Variants in KNL1 observed in about 807,000 individuals in gnomAD.
KNL1 encodes the protein outer kinetochore KNL1 complex subunit KNL1.
A neutral mutation model predicts 201.3 loss-of-function variants in KNL1; 66 were observed. That is an observed-to-expected ratio of 0.33 (90% confidence interval 0.27 to 0.40). The LOEUF (loss-of-function observed/expected upper bound fraction) is 0.40. Ranked by LOEUF, KNL1 falls within the 10% of genes least tolerant of loss-of-function variation. The pLI is 1.00. For missense variants in KNL1, 2,815 were observed against 2,690.5 expected (o/e 1.05, Z -1.02); for synonymous variants, 895 against 899.2 (o/e 1.00, Z 0.08).
chr15:40,598,131 A>G (rs1005797776), intron 1 of KNL1, among the ~76,000 whole-genome samples: 4 of 151,206 alleles, frequency 2.6e-5, no homozygotes, highest in African/African-American at 4.9e-5. Flanking sequence ...CTGAGATGGC[A>G]CCATTGCTCT....
intron 25 of KNL1, among the ~76,000 whole-genome samples, chr15:40,660,498 C>T (rs1428390860): frequency 6.6e-6 from 1 of 151,598 alleles, no homozygotes; most frequent in African/African-American, 2.4e-5. Flanking sequence ...AACCCCGCCT[C>T]TACTAAAAAT....
rs1018158469 is a variant in KNL1 at position 40,646,383 on chromosome 15, G to C, written c.6007-604G>C. Among the ~76,000 whole-genome samples the C allele has an allele frequency of 3.3e-5, 5 of 151,604 alleles. No individual in the cohort carries two copies. In the East Asian group the frequency reaches 9.7e-4, roughly 29 times the overall value. The stretch of plus-strand genomic sequence containing the variant: ...ATAGAAATGCTAAAATAAAGTACCA[G>C]AATTAGTTTTATGTCAATATGCTTT... On this transcript the variant is annotated intron_variant, in intron 16 of 25. Transcript: ENST00000399668.
intron 17 of KNL1, 62 bp from the exon 18 acceptor site, chr15:40,650,239 A>C: frequency 9.7e-7 from 1 of 1,033,526 alleles, no homozygotes; most frequent in South Asian, 1.5e-5. Context: ...TTTTTTCCTT[A>C]CTTTGTTTTC....
chr15:40,632,216 C>T (rs1192647653), intron 13 of KNL1, among the ~76,000 whole-genome samples: 2 of 136,150 alleles, frequency 1.5e-5, no homozygotes, highest in African/African-American at 2.7e-5. Context: ...CGAGACCCCC[C>T]CCCACCCACA....
Position 40,645,068 on chromosome 15 carries a change from G to A in KNL1, c.5870G>A (p.Arg1957Lys), listed in dbSNP as rs746346534. The change falls in exon 15 of 26, where the codon AGA (arginine) becomes AAA (lysine). Residue 1957 changes from arginine (R) to lysine (K), a missense_variant. Transcript: ENST00000399668. ...DINKNLWEKMRHCSDKELKAF... is the reference protein window; with the variant it reads ...DINKNLWEKMKHCSDKELKAF... The stretch of plus-strand genomic sequence containing the variant: ...AATAAGAACCTGTGGGAAAAAATGA[G>A]ACACTGCTCTGACAAAGAGGTACTT... The A allele has an allele frequency of 6.8e-6, 11 of 1,610,158 alleles. No individual in the cohort carries two copies. The highest frequency in any genetic ancestry group is 9.3e-6 in the Non-Finnish European group (11 of 1,177,268).
In KNL1 at chr15:40,623,679, A is replaced by G. The variant is rs1174479410; in HGVS notation, c.3415A>G (p.Lys1139Glu). The change falls in exon 10 of 26, where the codon AAA becomes GAA. Residue 1139 changes from lysine (K) to glutamate (E), a missense_variant. This residue lies in a region of KNL1 where 2,464 missense variants were observed against 2,291.7 expected (regional missense o/e 1.08). Coordinates refer to ENST00000399668, the MANE Select transcript of KNL1 (RefSeq NM_144508.5). ...GAGTCACACAACTGCCTTAGAATGT[A>G]AAACTCTCCTGCCAAATGAAATAGC... ...TRSHTTALEC[K>E]TLLPNEIAIR... 1 of 1,613,978 alleles carries G rather than the reference A, an allele frequency of 6.2e-7. No individual in the cohort carries two copies. Among genetic ancestry groups the G allele is most frequent in the South Asian group, 1.1e-5 (1 of 91,076 alleles).
Position 40,625,017 on chromosome 15 carries a change from C to T in KNL1, c.4753C>T (p.Gln1585Ter). Residue 1585 changes from glutamine (Q) to a stop codon, truncating the protein, a stop_gained, in exon 10 of 26, where the codon CAA becomes TAA. Transcript: ENST00000399668. LOFTEE classifies it high-confidence loss of function. ...TGTTCATCTACCACCCCTTCCAGAG[C>T]AATTACTTGAATTAGGAAATAAGGC... ...QTVHLPPLPE[Q>*]LLELGNKAHN... 6.2e-7 allele frequency: 1 copy of T among 1,613,908 alleles called. No homozygotes were observed. Among genetic ancestry groups the T allele is most frequent in the Non-Finnish European group, 8.5e-7 (1 of 1,179,916 alleles).
At chr15:40,609,244 CAAAAAAAA>C (rs35081212) in intron 5 of KNL1, among the ~76,000 whole-genome samples, 13 of 52,126 alleles carry the variant, frequency 2.5e-4, no homozygotes, top group Admixed American at 2.4e-3. Context: ...CCCATCTCTA[CAAAAAAAA>C]AAAAAAAAAA....
At position 40,602,949 on chromosome 15, in the gene KNL1, A is replaced by G; in HGVS notation, c.18A>G (p.Ser6=). The G allele has an allele frequency of 6.3e-7, 1 of 1,593,380 alleles. No individual in the cohort carries two copies. Among genetic ancestry groups the G allele is most frequent in the Non-Finnish European group, 8.6e-7 (1 of 1,163,964 alleles). The change falls in exon 2 of 26, where the codon TCA becomes TCG. Residue 6 remains serine, a synonymous_variant. Transcript: ENST00000399668. MDGVS[S]EANEENDNIE... Reference sequence around the variant, plus strand: ...CTTCAAAAATGGATGGGGTGTCTTCAGAGGCTAATGAAGAAAAGTAAGTTC... The same window carrying G: ...CTTCAAAAATGGATGGGGTGTCTTCGGAGGCTAATGAAGAAAAGTAAGTTC...
In KNL1 at chr15:40,623,617, T is replaced by G; in HGVS notation, c.3353T>G (p.Leu1118Trp). The G allele has an allele frequency of 6.2e-7, 1 of 1,613,734 alleles. No individual in the cohort carries two copies. Among genetic ancestry groups the G allele is most frequent in the Non-Finnish European group, 8.5e-7 (1 of 1,179,908 alleles). ...TTGGCAGGGGCTTCTAAAACTATTT[T>G]GTATTCATGTGGGCAGGATGACATG... The part of the protein sequence containing the change: ...FHLAGASKTI[L>W]YSCGQDDMEI... The change falls in exon 10 of 26, where the codon TTG becomes TGG. Residue 1118 changes from leucine to tryptophan, a missense_variant. This residue lies in a region of KNL1 where 2,464 missense variants were observed against 2,291.7 expected (regional missense o/e 1.08). Coordinates refer to ENST00000399668, the MANE Select transcript of KNL1 (RefSeq NM_144508.5).
chr15:40,641,059 T>C (rs781583114), intron 14 of KNL1, 32 bp downstream of exon 14: 9 of 1,398,056 alleles, frequency 6.4e-6, no homozygotes, highest in Non-Finnish European at 9.1e-6. Flanking sequence ...TGTGTGTTTT[T>C]TTGAGGGGAG....
In KNL1 at chr15:40,624,097, A is replaced by G. The variant is rs753931505; in HGVS notation, c.3833A>G (p.Asn1278Ser). 2.3e-5 allele frequency: 37 copies of G among 1,613,988 alleles called. No homozygotes were observed. Among genetic ancestry groups the G allele is most frequent in the Non-Finnish European group, 3.0e-5 (35 of 1,179,972 alleles). ...EKAQVESCQLNNRDRRNVDFT... is the reference protein window; with the variant it reads ...EKAQVESCQLSNRDRRNVDFT... Reference sequence around the variant, plus strand: ...GCGCAAGTTGAAAGCTGTCAGTTAAATAATAGAGATAGAAGAAATGTGGAC... The same window carrying G: ...GCGCAAGTTGAAAGCTGTCAGTTAAGTAATAGAGATAGAAGAAATGTGGAC... The change falls in exon 10 of 26, where the codon AAT (asparagine) becomes AGT (serine). Residue 1278 changes from asparagine (N) to serine (S), a missense_variant. Transcript: ENST00000399668.
Position 40,621,710 on chromosome 15 carries a change from G to T in KNL1, c.1446G>T (p.Glu482Asp), listed in dbSNP as rs761418520. The change falls in exon 10 of 26, where the codon GAG (glutamate) becomes GAT (aspartate). Residue 482 changes from glutamate (E) to aspartate (D), a missense_variant. Glu to Asp is a conservative substitution (Grantham distance 45, BLOSUM62 2). Coordinates refer to ENST00000399668, the MANE Select transcript of KNL1 (RefSeq NM_144508.5). ...LTEKTIYSGEENMDITKSHTV... is the reference protein window; with the variant it reads ...LTEKTIYSGEDNMDITKSHTV... Reference sequence around the variant, plus strand: ...AGAAAACTATTTATTCCGGAGAGGAGAACATGGACATTACCAAGAGTCATA... The same window carrying T: ...AGAAAACTATTTATTCCGGAGAGGATAACATGGACATTACCAAGAGTCATA... The T allele has an allele frequency of 2.9e-5, 47 of 1,612,154 alleles. No homozygotes were observed. Among genetic ancestry groups the T allele is most frequent in the Non-Finnish European group, 3.9e-5 (46 of 1,178,562 alleles).
chr15:40,604,956 C>G (rs1253986859), intron 2 of KNL1, among the ~76,000 whole-genome samples, 154 bp from the exon 3 acceptor site: 2 of 152,174 alleles, frequency 1.3e-5, no homozygotes, highest in African/African-American at 4.8e-5. Context: ...GAATTCCTAA[C>G]TGAATTTAAA....
At chr15:40,650,407 G>C in intron 18 of KNL1, 29 bp downstream of exon 18, 2 of 1,576,684 alleles carry the variant, frequency 1.3e-6, no homozygotes, top group Non-Finnish European at 1.7e-6. Flanking sequence ...GAGATAAATG[G>C]GTGTGGGGGA....
chr15:40,625,687 G>C (rs1464563563), intron 10 of KNL1, 47 bp downstream of exon 10: 1 of 1,494,800 alleles, frequency 6.7e-7, no homozygotes, highest in South Asian at 1.2e-5. Flanking sequence ...TTTGGGTTTT[G>C]TTTTGTTTTC....
At chr15:40,608,070 G>A (rs1305082762) in intron 4 of KNL1, among the ~76,000 whole-genome samples, 1 of 151,866 alleles carries the variant, frequency 6.6e-6, no homozygotes, top group East Asian at 1.9e-4. Flanking sequence ...TGGATGAATG[G>A]ATAAACAAAA....
At chr15:40,643,001 T>C (rs1483558796) in intron 14 of KNL1, 1 of 152,176 alleles carries the variant, frequency 6.6e-6, no homozygotes, top group East Asian at 1.9e-4. Context: ...TACTGTTTGA[T>C]TTTGCATCTG....
intron 6 of KNL1, chr15:40,610,923 T>G (rs778078468): frequency 6.8e-6 from 3 of 437,962 alleles, no homozygotes; most frequent in South Asian, 4.8e-5. Context: ...CTAATTTTTG[T>G]ATTTTTAGTA....
Sources: allele counts gnomAD v4.1 joint callset (sites outside exome capture counted in the v4.1 genomes callset), GRCh38; gene constraint gnomAD v4.1.1; regional missense constraint gnomAD v4.1.1; transcripts MANE v1.5; gene names NCBI Gene and HGNC (gene_info 2026-07-23, HGNC 2026-07-21).